CHCHD6: variants seen among roughly 807,000 people sequenced by gnomAD.
CHCHD6 encodes the protein coiled-coil-helix-coiled-coil-helix domain containing 6, also known as MICOS complex subunit MIC25.
Under a neutral mutation model 32.3 loss-of-function variants are expected in CHCHD6, and 28 were observed. That is an observed-to-expected ratio of 0.87 (90% CI 0.64 to 1.19). CHCHD6 has a LOEUF of 1.19. Among genes scored for constraint, CHCHD6 ranks in the 50% most tolerant of loss-of-function variants. CHCHD6 has a pLI of 0.00. For synonymous variants in CHCHD6, 122 were observed against 117.5 expected (o/e 1.04, Z -0.25); for missense variants, 333 against 307.0 (o/e 1.08, Z -0.63).
chr3:126,931,156 G>A lies in CHCHD6; in HGVS notation c.566+16406G>A, dbSNP rs115329445. Among the ~76,000 whole-genome samples, 1,487 of 152,318 alleles carry A rather than the reference G, an allele frequency of 9.8e-3. 27 individuals are homozygous for A. Among genetic ancestry groups the A allele is most frequent in the African/African-American group, 0.034 (1,399 of 41,554 alleles). On this transcript the variant is annotated intron_variant, in intron 6 of 7. Transcript: ENST00000290913. ...CTTTGCTTCCCACCGTCACTGCCCA[G>A]CACCCAAAGCCCTGACTGGCCGCAC...
chr3:126,923,491 TA>T, intron 6 of CHCHD6, among the ~76,000 whole-genome samples: 1 of 152,292 alleles, frequency 6.6e-6, no homozygotes, highest in South Asian at 2.1e-4. Flanking sequence ...TTGTGGGATT[TA>T]AAAATAAGTG....
chr3:126,818,824 T>C (rs943015944), intron 4 of CHCHD6, among the ~76,000 whole-genome samples: 7 of 152,212 alleles, frequency 4.6e-5, no homozygotes, highest in African/African-American at 1.7e-4. Flanking sequence ...CCTCATGGCA[T>C]TGGCAGTGGG....
intron 5 of CHCHD6, among the ~76,000 whole-genome samples, chr3:126,896,689 C>A (rs2107580719): frequency 6.6e-6 from 1 of 152,338 alleles, no homozygotes; most frequent in Admixed American, 6.5e-5. Flanking sequence ...GTGATCAGAT[C>A]AGCTGGAATG....
At chr3:126,955,778 A>G (rs1238399187) in intron 6 of CHCHD6, among the ~76,000 whole-genome samples, 3 of 152,188 alleles carry the variant, frequency 2.0e-5, no homozygotes, top group Non-Finnish European at 2.9e-5. Flanking sequence ...CAGTGAGTGG[A>G]GGAGAAACCT....
At chr3:126,834,278 C>T (rs1299878577) in intron 4 of CHCHD6, among the ~76,000 whole-genome samples, 3 of 151,712 alleles carry the variant, frequency 2.0e-5, no homozygotes, top group African/African-American at 7.3e-5. Context: ...TAGCTATAGA[C>T]CAATTAATAT....
At chr3:126,864,236 C>T (rs1221960569) in intron 5 of CHCHD6, among the ~76,000 whole-genome samples, 1 of 150,676 alleles carries the variant, frequency 6.6e-6, no homozygotes, top group Non-Finnish European at 1.5e-5. Flanking sequence ...TCATCATCTC[C>T]TCCTCCTCCA....
intron 4 of CHCHD6, among the ~76,000 whole-genome samples, chr3:126,796,890 G>A (rs569141309): frequency 9.2e-5 from 14 of 152,224 alleles, no homozygotes; most frequent in Non-Finnish European, 1.8e-4. Context: ...GAAGTCAGGG[G>A]AGGATCAGGG....
chr3:126,886,038 C>T (rs2077674482), intron 5 of CHCHD6, among the ~76,000 whole-genome samples: 5 of 152,084 alleles, frequency 3.3e-5, no homozygotes, highest in South Asian at 4.1e-4. Context: ...CAAGGTCTCC[C>T]GTGGGAATGA....
At chr3:126,796,051 A>T (rs1409604514) in intron 4 of CHCHD6, among the ~76,000 whole-genome samples, 2 of 152,082 alleles carry the variant, frequency 1.3e-5, no homozygotes, top group Admixed American at 6.5e-5. Context: ...GGCTAGTGAA[A>T]TGAATATTCT....
At chr3:126,863,112 C>T (rs1942015915) in intron 5 of CHCHD6, among the ~76,000 whole-genome samples, 1 of 78,088 alleles carries the variant, frequency 1.3e-5, no homozygotes, top group East Asian at 4.7e-4. Context: ...CCTCCTCCTC[C>T]TCCTCCACCA....
At chr3:126,753,681 A>G (rs1936828851) in intron 4 of CHCHD6, among the ~76,000 whole-genome samples, 1 of 152,192 alleles carries the variant, frequency 6.6e-6, no homozygotes, top group African/African-American at 2.4e-5. Flanking sequence ...GTACAGGCGC[A>G]TTGCCCAGAG....
At chr3:126,746,581 G>A (rs1315167542) in intron 4 of CHCHD6, among the ~76,000 whole-genome samples, 1 of 152,156 alleles carries the variant, frequency 6.6e-6, no homozygotes, top group Non-Finnish European at 1.5e-5. Flanking sequence ...TTGAACACGG[G>A]GCCCATTCTC....
chr3:126,749,645 C>T (rs1217970249), intron 4 of CHCHD6, among the ~76,000 whole-genome samples: 1 of 152,206 alleles, frequency 6.6e-6, no homozygotes, highest in East Asian at 1.9e-4. Flanking sequence ...GGAGCTCTGC[C>T]AGCCTCAGCA....
At chr3:126,712,578 C>T (rs1488592813) in intron 1 of CHCHD6, among the ~76,000 whole-genome samples, 1 of 152,194 alleles carries the variant, frequency 6.6e-6, no homozygotes, top group Non-Finnish European at 1.5e-5. Flanking sequence ...TCCCAGGCTT[C>T]AAGTGCTGCC....
chr3:126,945,609 G>T (rs1173473417), intron 6 of CHCHD6, among the ~76,000 whole-genome samples: 1 of 142,118 alleles, frequency 7.0e-6, no homozygotes, highest in Non-Finnish European at 1.5e-5. Context: ...GAGACTCGGT[G>T]TGGGGGAGAC....
chr3:126,854,389 A>T (rs1941582442), intron 5 of CHCHD6, among the ~76,000 whole-genome samples: 1 of 152,154 alleles, frequency 6.6e-6, no homozygotes, highest in African/African-American at 2.4e-5. Flanking sequence ...CCAACATCTC[A>T]GGAAATGGAG....
Position 126,833,450 on chromosome 3 carries a change from G to A in CHCHD6, c.412-19197G>A, listed in dbSNP as rs184693393. On this transcript the variant is annotated intron_variant, in intron 4 of 7. Coordinates refer to ENST00000290913, the MANE Select transcript of CHCHD6 (RefSeq NM_032343.3). The stretch of plus-strand genomic sequence containing the variant: ...GAAAACAGTTTCTAAACAATATTTT[G>A]AACAAGAGCAGCTTTGTTAGAATCA... Among the ~76,000 whole-genome samples, 275 of 152,308 alleles carry A rather than the reference G, an allele frequency of 1.8e-3. 1 individual carries two copies. Among genetic ancestry groups the A allele is most frequent in the Non-Finnish European group, 2.6e-3 (179 of 68,022 alleles).
At chr3:126,950,347 G>A (rs1256466235) in intron 6 of CHCHD6, among the ~76,000 whole-genome samples, 1 of 152,134 alleles carries the variant, frequency 6.6e-6, no homozygotes, top group Admixed American at 6.5e-5. Flanking sequence ...GAGGTCTGCA[G>A]AGAAGCTTAT....
intron 4 of CHCHD6, among the ~76,000 whole-genome samples, chr3:126,816,889 T>C (rs1403149007): frequency 6.6e-6 from 1 of 151,988 alleles, no homozygotes; most frequent in African/African-American, 2.4e-5. Context: ...CAGGCCCTGG[T>C]GTGTGATGTT....
Sources: gnomAD v4.1 joint callset for allele counts (sites outside exome capture counted in the v4.1 genomes callset) on GRCh38, gnomAD v4.1.1 for gene constraint, MANE v1.5 for transcripts, NCBI Gene and HGNC (gene_info 2026-07-23, HGNC 2026-07-21) for gene names.